Variants in SLC24A2 observed in about 807,000 individuals in gnomAD.
The protein encoded by SLC24A2 is sodium/potassium/calcium exchanger 2.
A neutral mutation model predicts 62.0 loss-of-function variants in SLC24A2; 36 were observed. The ratio of observed to expected loss-of-function variants is 0.58; its 90% CI spans 0.44 to 0.77. The LOEUF (loss-of-function observed/expected upper bound fraction) is 0.77. Ranked by LOEUF, SLC24A2 falls within the 30% of genes least tolerant of loss-of-function variation. SLC24A2 has a pLI of 0.00. For synonymous variants in SLC24A2, 358 were observed against 294.0 expected (o/e 1.22, Z -2.23); for missense variants, 846 against 817.9 (o/e 1.03, Z -0.42).
chr9:19,743,067 T>C (rs1043859021), intron 2 of SLC24A2, among the ~76,000 whole-genome samples: 9 of 152,152 alleles, frequency 5.9e-5, no homozygotes, highest in African/African-American at 2.2e-4. Context: ...TTTCCCTAAG[T>C]CTGAAAAAAC....
At chr9:20,057,903 C>T in the SLC24A2 span, among the ~76,000 whole-genome samples, 2 of 152,148 alleles carry the variant, frequency 1.3e-5, no homozygotes, top group Non-Finnish European at 2.9e-5. Context: ...GAAACTACAT[C>T]ATCTGACTGC....
intron 2 of SLC24A2, among the ~76,000 whole-genome samples, chr9:19,706,594 G>A (rs923694120): frequency 2.1e-4 from 32 of 152,080 alleles, no homozygotes; most frequent in African/African-American, 6.0e-4. Context: ...TAGCCAGGAT[G>A]GTCTCGATCT....
At chr9:19,543,164 T>C (rs1014845657) in intron 8 of SLC24A2, among the ~76,000 whole-genome samples, 11 of 152,208 alleles carry the variant, frequency 7.2e-5, no homozygotes, top group Non-Finnish European at 1.3e-4. Context: ...TGGGAGGGTG[T>C]ATGTGTCCAG....
At chr9:19,684,450 C>A (rs1022845706) in intron 2 of SLC24A2, among the ~76,000 whole-genome samples, 2 of 152,030 alleles carry the variant, frequency 1.3e-5, no homozygotes, top group African/African-American at 4.8e-5. Flanking sequence ...AGATGGAGTG[C>A]TTTTCCTGAA....
At chr9:19,531,279 C>T (rs1248249032) in intron 8 of SLC24A2, among the ~76,000 whole-genome samples, 1 of 152,174 alleles carries the variant, frequency 6.6e-6, no homozygotes, top group African/African-American at 2.4e-5. Context: ...ACAGCATGGT[C>T]TCATTCCAGA....
the SLC24A2 span, among the ~76,000 whole-genome samples, chr9:19,802,973 A>G: frequency 1.3e-5 from 2 of 152,170 alleles, no homozygotes; most frequent in Non-Finnish European, 2.9e-5. Context: ...TGCCTCTTCC[A>G]CCACGTGAGG....
intron 7 of SLC24A2, among the ~76,000 whole-genome samples, chr9:19,561,223 C>T (rs1293896625): frequency 6.6e-6 from 1 of 152,072 alleles, no homozygotes; most frequent in Non-Finnish European, 1.5e-5. Flanking sequence ...AGCCACCACA[C>T]CTGGCCTGTA....
chr9:19,706,118 T>C (rs1003757532), intron 2 of SLC24A2, among the ~76,000 whole-genome samples: 1 of 152,060 alleles, frequency 6.6e-6, no homozygotes. Flanking sequence ...TGGGTGCTCC[T>C]GTATTGGGTG....
the SLC24A2 span, among the ~76,000 whole-genome samples, chr9:20,145,628 TGCAATTACACATATATACAGGAAGAG>T: frequency 2.3e-3 from 1 of 436 alleles, no homozygotes; most frequent in Non-Finnish European, 4.0e-3. Flanking sequence ...TGTGCACGTG[TGCAATTACACATATATACAGGAAGAG>T]GCAAAAGTCC....
At position 19,573,485 on chromosome 9, in the gene SLC24A2, AACACACACACACACACACACACACACAC is replaced by A. The variant is rs59489637; in HGVS notation, c.1229-44_1229-17del. On this transcript the variant is annotated splice_polypyrimidine_tract_variant and intron_variant, in intron 6 of 10. Coordinates refer to ENST00000341998, the MANE Select transcript of SLC24A2 (RefSeq NM_020344.4). ...TCAATTTTTTCTGTGATATAATTTA[AACACACACACACACACACACACACACAC>A]ACACACACACACACACAGAGAGAGA... 3,178 of 813,516 alleles carry A rather than the reference AACACACACACACACACACACACACACAC, an allele frequency of 3.9e-3. 18 individuals carry two copies. Among genetic ancestry groups the A allele is most frequent in the Non-Finnish European group, 4.6e-3 (2,251 of 484,294 alleles). 50.4% of individuals were successfully genotyped at this position (813,516 alleles called of 1,614,324 possible).
At chr9:20,114,604 G>A in the SLC24A2 span, among the ~76,000 whole-genome samples, 4 of 152,126 alleles carry the variant, frequency 2.6e-5, no homozygotes, top group Admixed American at 6.6e-5. Flanking sequence ...TGGAGGAGGG[G>A]ATATTCTGGC....
chr9:20,051,468 C>T, the SLC24A2 span, among the ~76,000 whole-genome samples: 1 of 151,776 alleles, frequency 6.6e-6, no homozygotes, highest in African/African-American at 2.4e-5. Flanking sequence ...GATAAGATGT[C>T]AACAACATGA....
chr9:20,030,461 A>AG, the SLC24A2 span, among the ~76,000 whole-genome samples: 5 of 152,130 alleles, frequency 3.3e-5, no homozygotes, highest in African/African-American at 9.7e-5. Context: ...CCACACAGAA[A>AG]GGCTCCAAGT....
At chr9:20,160,170 A>G in the SLC24A2 span, among the ~76,000 whole-genome samples, 11 of 151,474 alleles carry the variant, frequency 7.3e-5, no homozygotes, top group African/African-American at 2.7e-4. Context: ...TAAAATTCAG[A>G]CCAAAATGCA....
At chr9:19,820,022 TATACAC>T in the SLC24A2 span, among the ~76,000 whole-genome samples, 2 of 59,958 alleles carry the variant, frequency 3.3e-5, no homozygotes, top group Admixed American at 2.1e-4. Context: ...TATATATATA[TATACAC>T]ATATATATAT....
chr9:20,139,655 C>T, the SLC24A2 span, among the ~76,000 whole-genome samples: 1 of 152,170 alleles, frequency 6.6e-6, no homozygotes, highest in East Asian at 1.9e-4. Context: ...TATTTTGTTC[C>T]CATAAAAATA....
chr9:20,152,687 G>A, the SLC24A2 span, among the ~76,000 whole-genome samples: 1 of 151,838 alleles, frequency 6.6e-6, no homozygotes, highest in African/African-American at 2.4e-5. Context: ...TGACTAGGAT[G>A]CAGGCTTAAG....
the SLC24A2 span, chr9:19,927,639 C>G: frequency 6.6e-6 from 1 of 152,216 alleles, no homozygotes; most frequent in Non-Finnish European, 1.5e-5. Context: ...CCACCCCCCA[C>G]GTACTTGGGA....
rs369120211 is a variant in SLC24A2 at position 19,530,310 on chromosome 9, C to T, written c.1480-2172G>A. Among the ~76,000 whole-genome samples the T allele has an allele frequency of 8.4e-4, 128 of 152,128 alleles. 1 individual carries two copies. The highest frequency in any genetic ancestry group is 2.3e-3 in the African/African-American group (96 of 41,492). On this transcript the variant is annotated intron_variant, in intron 8 of 10. Transcript: ENST00000341998. ...AGAACCCTCTTGCCACGTGGGGTCACGTGTGTGATTAGAGCCCCAACCAAT... is the reference window on the plus strand; with the variant it reads ...AGAACCCTCTTGCCACGTGGGGTCATGTGTGTGATTAGAGCCCCAACCAAT...
Sources: gnomAD v4.1 joint callset for allele counts (sites outside exome capture counted in the v4.1 genomes callset) on GRCh38, gnomAD v4.1.1 for gene constraint, MANE v1.5 for transcripts, NCBI Gene and HGNC (gene_info 2026-07-23, HGNC 2026-07-21) for gene names.